PPP2R3A: variants seen among roughly 807,000 people sequenced by gnomAD.
PPP2R3A encodes protein phosphatase 2 regulatory subunit B''alpha.
In PPP2R3A, 80 loss-of-function variants were observed where a neutral mutation model predicts 106.9. The ratio of observed to expected loss-of-function variants is 0.75; its 90% CI spans 0.62 to 0.90. The LOEUF (loss-of-function observed/expected upper bound fraction) is 0.90. Ranked by LOEUF, PPP2R3A falls within the 40% of genes least tolerant of loss-of-function variation. The pLI, the probability that PPP2R3A is intolerant of heterozygous loss-of-function variation, is 0.00. For synonymous variants in PPP2R3A, 483 were observed against 468.3 expected, an observed-to-expected ratio of 1.03 and a Z score of -0.41; for missense variants, 1,386 against 1,350.4, an observed-to-expected ratio of 1.03 and a Z score of -0.41.
intron 1 of PPP2R3A, among the ~76,000 whole-genome samples, chr3:135,997,999 T>C (rs570802234): frequency 6.6e-6 from 1 of 152,344 alleles, no homozygotes; most frequent in South Asian, 2.1e-4. Context: ...GTCTTTGTTT[T>C]TCTCATAGCT....
At chr3:135,980,659 C>T (rs1170487833) in intron 1 of PPP2R3A, among the ~76,000 whole-genome samples, 10 of 151,782 alleles carry the variant, frequency 6.6e-5, no homozygotes, top group Admixed American at 6.6e-4. Context: ...TGTATAGACT[C>T]CTATACATTG....
chr3:135,983,423 C>T (rs573127827), intron 1 of PPP2R3A, among the ~76,000 whole-genome samples: 1 of 152,252 alleles, frequency 6.6e-6, no homozygotes, highest in South Asian at 2.1e-4. Flanking sequence ...CCCATCATCC[C>T]CCTTCCTGAA....
chr3:136,029,253 G>T (rs1934778593), intron 3 of PPP2R3A, among the ~76,000 whole-genome samples: 1 of 152,228 alleles, frequency 6.6e-6, no homozygotes, highest in African/African-American at 2.4e-5. Context: ...CCCTGGTACA[G>T]TGCTGAGGTC....
intron 4 of PPP2R3A, among the ~76,000 whole-genome samples, chr3:136,044,133 A>G (rs1219483141): frequency 1.3e-5 from 2 of 152,142 alleles, no homozygotes; most frequent in South Asian, 2.1e-4. Flanking sequence ...GGTGGCTCCT[A>G]TTAGCATCTA....
intron 3 of PPP2R3A, among the ~76,000 whole-genome samples, chr3:136,039,826 A>G (rs1461854503): frequency 1.3e-5 from 2 of 152,112 alleles, no homozygotes; most frequent in East Asian, 1.9e-4. Flanking sequence ...CTCCCTTTTC[A>G]TAGAGAATTT....
chr3:135,969,453 G>A (rs558104113), intron 1 of PPP2R3A, among the ~76,000 whole-genome samples: 3 of 152,312 alleles, frequency 2.0e-5, no homozygotes, highest in African/African-American at 7.2e-5. Context: ...AATGGTGGTG[G>A]TGTTACCTGA....
chr3:136,134,504 C>G (rs1231091499), intron 13 of PPP2R3A, among the ~76,000 whole-genome samples: 1 of 152,092 alleles, frequency 6.6e-6, no homozygotes, highest in Non-Finnish European at 1.5e-5. Flanking sequence ...TAACATGCAG[C>G]TATTGAAATG....
intron 13 of PPP2R3A, among the ~76,000 whole-genome samples, chr3:136,107,138 T>G (rs901527173): frequency 6.6e-6 from 1 of 152,094 alleles, no homozygotes; most frequent in African/African-American, 2.4e-5. Flanking sequence ...TCAGCAACTT[T>G]ATAATTTGCT....
chr3:136,140,630 C>T (rs1315432289), intron 13 of PPP2R3A, among the ~76,000 whole-genome samples: 1 of 151,792 alleles, frequency 6.6e-6, no homozygotes, highest in East Asian at 1.9e-4. Flanking sequence ...TGCCTGTAAT[C>T]GCAGCTACTT....
rs145965483 is a variant in PPP2R3A, at chr3:135,996,425, G to A, written c.-440-4634G>A. Among the ~76,000 whole-genome samples the A allele has an allele frequency of 5.8e-3, 885 of 152,226 alleles. 8 individuals are homozygous for A. The highest frequency in any genetic ancestry group is 0.021 in the African/African-American group (857 of 41,548). ...TTATTTCTATCAACTTTTAAAAGAA[G>A]CCTGATGAAAAAATAGACCTTCTAC... On this transcript the variant is annotated intron_variant, in intron 1 of 13. Transcript: ENST00000264977.
Position 136,002,974 on chromosome 3 carries a change from T to C in PPP2R3A, c.1476T>C (p.Phe492=). The change falls in exon 2 of 14, where the codon TTT becomes TTC. Residue 492 remains phenylalanine (F), a synonymous_variant. Coordinates refer to ENST00000264977, the MANE Select transcript of PPP2R3A (RefSeq NM_002718.5). The stretch of plus-strand genomic sequence containing the variant: ...ACTGTAAATCAAAAGTTTCTAAATT[T>C]GAAGAGGGAGACCAGAGAGATTTTA... ...KEDCKSKVSK[F]EEGDQRDFTN... The C allele has an allele frequency of 6.2e-7, 1 of 1,612,958 alleles. No homozygotes were observed. Among genetic ancestry groups the C allele is most frequent in the Non-Finnish European group, 8.5e-7 (1 of 1,179,688 alleles).
At chr3:136,141,239 C>T (rs1938861401) in intron 13 of PPP2R3A, among the ~76,000 whole-genome samples, 1 of 152,010 alleles carries the variant, frequency 6.6e-6, no homozygotes, top group African/African-American at 2.4e-5. Flanking sequence ...GTTGATAACA[C>T]CTAAAAGGTT....
intron 13 of PPP2R3A, among the ~76,000 whole-genome samples, chr3:136,134,610 A>AAAGAT (rs1938537626): frequency 6.6e-6 from 1 of 152,206 alleles, no homozygotes; most frequent in Admixed American, 6.5e-5. Context: ...ACACAAGCTA[A>AAAGAT]AAGATAACAC....
chr3:136,090,583 A>G lies in PPP2R3A; in HGVS notation c.2843A>G (p.Lys948Arg). The G allele has an allele frequency of 6.2e-7, 1 of 1,613,096 alleles. No homozygotes were observed. The highest frequency in any genetic ancestry group is 1.1e-5 in the South Asian group (1 of 91,004). ...TAACCATGTGTTTTCTTTAGGGGAA[A>G]AACAATACAGAAAGAGGGAAGAATG... Reference protein sequence around the residue: ...RIFSGAVTRGKTIQKEGRMSY... With the variant: ...RIFSGAVTRGRTIQKEGRMSY... The change falls in exon 10 of 14, where the codon AAA (lysine) becomes AGA (arginine). Residue 948 changes from lysine (K) to arginine (R), a missense_variant. Lys to Arg is a conservative substitution (Grantham distance 26). Transcript: ENST00000264977.
At chr3:136,030,761 CATATATAT>C (rs374923726) in intron 3 of PPP2R3A, among the ~76,000 whole-genome samples, 15 of 100,382 alleles carry the variant, frequency 1.5e-4, no homozygotes, top group African/African-American at 5.2e-4. Context: ...TATTCCATCA[CATATATAT>C]ATATATATAT....
intron 5 of PPP2R3A, chr3:136,055,305 G>T: frequency 1.1e-6 from 1 of 898,048 alleles, no homozygotes; most frequent in South Asian, 1.3e-5. Flanking sequence ...TTGGTGAAAG[G>T]AATCAACATC....
chr3:136,109,460 AC>A (rs1448239682), intron 13 of PPP2R3A, among the ~76,000 whole-genome samples: 1 of 152,186 alleles, frequency 6.6e-6, no homozygotes, highest in Non-Finnish European at 1.5e-5. Context: ...AATAATTAAG[AC>A]CCCCAAAAAA....
Position 136,134,632 on chromosome 3 carries a change from AAC to A in PPP2R3A, c.3330-10409_3330-10408del, listed in dbSNP as rs1229067456. ...CTAAAAGATAACACCCCAAAATATT[AAC>A]AGTCATTAACTCTGGGCTGTGGAAT... is the stretch of plus-strand genomic sequence containing the variant. On this transcript the variant is annotated intron_variant, in intron 13 of 13. Coordinates refer to ENST00000264977, the MANE Select transcript of PPP2R3A (RefSeq NM_002718.5). Among the ~76,000 whole-genome samples, 4 of 152,332 alleles carry A rather than the reference AAC, an allele frequency of 2.6e-5. No homozygotes were observed. In the South Asian group the frequency reaches 6.2e-4, roughly 24 times the overall value.
intron 8 of PPP2R3A, among the ~76,000 whole-genome samples, chr3:136,086,099 C>T (rs896188522): frequency 2.6e-5 from 4 of 151,794 alleles, no homozygotes; most frequent in Middle Eastern, 3.4e-3. Flanking sequence ...CTGCTACACT[C>T]CAGCCTGAGC....
Sources: allele counts gnomAD v4.1 joint callset (sites outside exome capture counted in the v4.1 genomes callset), GRCh38; gene constraint gnomAD v4.1.1; transcripts MANE v1.5; gene names NCBI Gene and HGNC (gene_info 2026-07-23, HGNC 2026-07-21).